PCDHGA10: variants seen among roughly 807,000 people sequenced by gnomAD.
PCDHGA10 encodes the protein protocadherin gamma subfamily A, 10.
A neutral mutation model predicts 59.5 loss-of-function variants in PCDHGA10; 42 were observed. That is an observed-to-expected ratio of 0.71 (90% CI 0.55 to 0.91). The LOEUF (loss-of-function observed/expected upper bound fraction) is 0.91, where lower values mean the gene tolerates loss of function less well. Among genes scored for constraint, PCDHGA10 ranks in the 40% least tolerant of loss-of-function variants. The probability of loss-of-function intolerance (pLI) is 0.00; values close to 1 mark genes in which losing one functional copy is unlikely to be tolerated. For missense variants in PCDHGA10, 1,111 were observed against 1,198.2 expected (o/e 0.93, Z 1.07); for synonymous variants, 511 against 517.2 (o/e 0.99, Z 0.16).
At chr5:141,469,306 A>G in intron 1 of PCDHGA10, among the ~76,000 whole-genome samples, 1 of 150,500 alleles carries the variant, frequency 6.6e-6, no homozygotes, top group South Asian at 2.1e-4. Flanking sequence ...ACTGGGCACG[A>G]TGGCTCACGC....
At chr5:141,475,071 C>T (rs1198043142) in intron 1 of PCDHGA10, among the ~76,000 whole-genome samples, 2 of 152,198 alleles carry the variant, frequency 1.3e-5, no homozygotes, top group Non-Finnish European at 2.9e-5. Context: ...AGCTTTGCTG[C>T]CATTATTTCA....
rs759191157 is a variant in PCDHGA10, at chr5:141,485,768, C to T, written c.2437-9039C>T. Reference sequence around the variant, plus strand: ...GGTCCCAGAGCTGCTCCTGGAGAAGCCTTTGGATCGAGAGAAGCAATCGGA... The same window carrying T: ...GGTCCCAGAGCTGCTCCTGGAGAAGTCTTTGGATCGAGAGAAGCAATCGGA... On this transcript the variant is annotated intron_variant, in intron 1 of 3. Transcript: ENST00000398610. This position sits in a 1 kb window ranked among gnomAD's most constrained non-coding sequence, Gnocchi z 5.7. The T allele has an allele frequency of 5.6e-6, 9 of 1,614,074 alleles. No individual in the cohort carries two copies. The highest frequency in any genetic ancestry group is 1.7e-5 in the Admixed American group (1 of 60,000).
chr5:141,432,630 G>A lies in PCDHGA10; in HGVS notation c.2436+17019G>A, dbSNP rs1278355878. On this transcript the variant is annotated intron_variant, in intron 1 of 3. Coordinates refer to ENST00000398610, the MANE Select transcript of PCDHGA10 (RefSeq NM_018913.3). This position sits in a 1 kb window ranked among gnomAD's most constrained non-coding sequence, Gnocchi z 6.0. ...CTCTTCTCGGTGGGTCTGCACACGG[G>A]CGAGGTGCGCACGGCGCGAGCCCTG... 3.7e-6 allele frequency: 6 copies of A among 1,612,782 alleles called. No homozygotes were observed. Among genetic ancestry groups the A allele is most frequent in the Non-Finnish European group, 5.1e-6 (6 of 1,179,682 alleles).
At position 141,432,025 on chromosome 5, in the gene PCDHGA10, G is replaced by C. The variant is rs768627576; in HGVS notation, c.2436+16414G>C. 2 of 1,614,158 alleles carry C rather than the reference G, an allele frequency of 1.2e-6. No homozygotes were observed. The highest frequency in any genetic ancestry group is 3.3e-4 in the Middle Eastern group (2 of 6,062). ...AGGTTCCTAGCTACAACATCACAGTGACCGCCACTGACCGGGGAACCCCGC... is the reference window on the plus strand; with the variant it reads ...AGGTTCCTAGCTACAACATCACAGTCACCGCCACTGACCGGGGAACCCCGC... On this transcript the variant is annotated intron_variant, in intron 1 of 3. Transcript: ENST00000398610. The surrounding 1 kb of genome is among the most constrained non-coding windows in gnomAD (Gnocchi z 6.0).
At chr5:141,419,301 T>G in intron 1 of PCDHGA10, 6 of 1,613,998 alleles carry the variant, frequency 3.7e-6, no homozygotes, top group Non-Finnish European at 5.1e-6. Context: ...GACCCAGACT[T>G]CGGGCTCAAC....
rs949391796 is a variant in PCDHGA10 at position 141,493,050 on chromosome 5, A to G, written c.2437-1757A>G. 6.6e-6 allele frequency among the ~76,000 whole-genome samples: 1 copy of G among 152,262 alleles called. No homozygotes were observed. The highest frequency in any genetic ancestry group is 2.4e-5 in the African/African-American group (1 of 41,464). On this transcript the variant is annotated intron_variant, in intron 1 of 3. Coordinates refer to ENST00000398610, the MANE Select transcript of PCDHGA10 (RefSeq NM_018913.3). The surrounding 1 kb of genome is among the most constrained non-coding windows in gnomAD (Gnocchi z 4.3). Reference sequence around the variant, plus strand: ...CCCTTATGTGTGAGGAAACTACAATAGTAAAAAACACAAGTTTCTCCAACT... The same window carrying G: ...CCCTTATGTGTGAGGAAACTACAATGGTAAAAAACACAAGTTTCTCCAACT...
At chr5:141,427,480 A>G in intron 1 of PCDHGA10, 1 of 531,758 alleles carries the variant, frequency 1.9e-6, no homozygotes, top group South Asian at 1.5e-5. Context: ...GCCAATAATG[A>G]CTATAAGCTT....
Position 141,490,765 on chromosome 5 carries a change from G to A in PCDHGA10, c.2437-4042G>A. The A allele has an allele frequency of 6.2e-7, 1 of 1,614,076 alleles. No individual in the cohort carries two copies. The highest frequency in any genetic ancestry group is 8.5e-7 in the Non-Finnish European group (1 of 1,179,914). ...AGCCCCAGCCTCCTCCTTTGTGTAT[G>A]TCAACCCAGAGGATGGACGGATCTT... On this transcript the variant is annotated intron_variant, in intron 1 of 3. Coordinates refer to ENST00000398610, the MANE Select transcript of PCDHGA10 (RefSeq NM_018913.3). This position sits in a 1 kb window ranked among gnomAD's most constrained non-coding sequence, Gnocchi z 5.4.
At position 141,500,368 on chromosome 5, in the gene PCDHGA10, C is replaced by T. The variant is rs181410708; in HGVS notation, c.2496-5025C>T. Among the ~76,000 whole-genome samples, 364 of 152,050 alleles carry T rather than the reference C, an allele frequency of 2.4e-3. 3 individuals carry two copies. The highest frequency in any genetic ancestry group is 9.2e-3 in the Admixed American group (140 of 15,274). ...GGACTACAGGCGCCCACTACCACGCCCGGCTAATTATTTTGTATTTTTAGT... is the reference window on the plus strand; with the variant it reads ...GGACTACAGGCGCCCACTACCACGCTCGGCTAATTATTTTGTATTTTTAGT... On this transcript the variant is annotated intron_variant, in intron 2 of 3. Transcript: ENST00000398610.
At chr5:141,416,132 A>G (rs939839074) in intron 1 of PCDHGA10, 1 of 153,964 alleles carries the variant, frequency 6.5e-6, no homozygotes, top group Non-Finnish European at 1.4e-5. Flanking sequence ...ATATTTTTCA[A>G]TCTATACTTT....
intron 1 of PCDHGA10, chr5:141,421,833 C>A: frequency 6.2e-7 from 1 of 1,613,756 alleles, no homozygotes; most frequent in South Asian, 1.1e-5. Context: ...GAAGCCTGGA[C>A]CGAGAGAAAG....
chr5:141,435,890 A>G (rs2097784923), intron 1 of PCDHGA10, among the ~76,000 whole-genome samples: 1 of 152,176 alleles, frequency 6.6e-6, no homozygotes, highest in Non-Finnish European at 1.5e-5. Context: ...AACCCCTTAG[A>G]GAATGAAAGA....
intron 1 of PCDHGA10, chr5:141,427,787 C>A (rs2097070880): frequency 6.8e-7 from 1 of 1,478,064 alleles, no homozygotes; most frequent in Non-Finnish European, 9.4e-7. Context: ...CACTGTCGTC[C>A]TACGTGTCCG....
intron 1 of PCDHGA10, among the ~76,000 whole-genome samples, chr5:141,460,983 G>GTGTGTGTA (rs1554142949): frequency 2.2e-5 from 3 of 137,844 alleles, no homozygotes; most frequent in African/African-American, 7.7e-5. Flanking sequence ...GTGTGTGTGT[G>GTGTGTGTA]TATATATATA....
chr5:141,473,193 A>G (rs938175797), intron 1 of PCDHGA10, among the ~76,000 whole-genome samples: 2 of 152,232 alleles, frequency 1.3e-5, no homozygotes, highest in African/African-American at 4.8e-5. Flanking sequence ...GAGTAAATGT[A>G]TCTTCTAAAA....
At chr5:141,430,687 T>A in intron 1 of PCDHGA10, 3 of 1,399,922 alleles carry the variant, frequency 2.1e-6, no homozygotes, top group Non-Finnish European at 9.5e-7. Flanking sequence ...TGTCCCATTC[T>A]ATGGGCGAAG....
chr5:141,478,272 A>T, intron 1 of PCDHGA10: 7 of 1,614,160 alleles, frequency 4.3e-6, no homozygotes, highest in Non-Finnish European at 5.9e-6. Context: ...AAAGTTTACA[A>T]GTGGAAGCAG....
At position 141,511,106 on chromosome 5, in the gene PCDHGA10, G is replaced by T. The variant is rs536900646; in HGVS notation, c.2744G>T (p.Arg915Leu). ...NATLTNAAGK[R>L]DGKAPAGGNG... is the part of the protein sequence containing the mutation. Reference sequence around the variant, plus strand: ...ACACTGACCAACGCAGCTGGCAAGCGGGATGGCAAGGCCCCAGCAGGTGGC... The same window carrying T: ...ACACTGACCAACGCAGCTGGCAAGCTGGATGGCAAGGCCCCAGCAGGTGGC... Residue 915 changes from arginine to leucine, a missense_variant, in exon 4 of 4, where the codon CGG becomes CTG. Transcript: ENST00000398610. 8.7e-6 allele frequency: 14 copies of T among 1,614,196 alleles called. No individual in the cohort carries two copies. Among genetic ancestry groups the T allele is most frequent in the Non-Finnish European group, 1.2e-5 (14 of 1,180,016 alleles).
rs771106873 is a variant in PCDHGA10, at chr5:141,426,860, A to C, written c.2436+11249A>C. 5 of 456,702 alleles carry C rather than the reference A, an allele frequency of 1.1e-5. No individual in the cohort carries two copies. In the Admixed American group the frequency reaches 1.2e-4, roughly 11 times the overall value. The allele number at this position is 456,702 out of a possible 1,614,324, so 28.3% of individuals were successfully genotyped here. A position where few individuals can be genotyped will look rare whatever the true frequency, so the allele number is the denominator to read the frequency against. On this transcript the variant is annotated intron_variant, in intron 1 of 3. Transcript: ENST00000398610. ...CTAAAGGCAAGAACGCTCCAGAATT[A>C]GTGCTGGAGAAGCCCCTGGGCCAGG...
Sources: gnomAD v4.1 joint callset for allele counts (sites outside exome capture counted in the v4.1 genomes callset) on GRCh38, gnomAD v4.1.1 for gene constraint, Gnocchi (gnomAD v3.1) non-coding constraint, MANE v1.5 for transcripts, NCBI Gene and HGNC (gene_info 2026-07-23, HGNC 2026-07-21) for gene names.